Variants in CLEC4C observed in about 807,000 individuals in gnomAD.
The protein encoded by CLEC4C is C-type (calcium dependent, carbohydrate-recognition domain) lectin, superfamily member 11.
In CLEC4C, 17 loss-of-function variants were observed where a neutral mutation model predicts 27.7. The observed-to-expected ratio is 0.61, with a 90% CI of 0.42 to 0.92. CLEC4C has a LOEUF of 0.92. Ranked by LOEUF, CLEC4C falls within the 40% of genes least tolerant of loss-of-function variation. The pLI is 0.00. For missense variants in CLEC4C, 244 were observed against 257.3 expected (o/e 0.95, Z 0.35); for synonymous variants, 80 against 80.8 (o/e 0.99, Z 0.06).
chr12:7,742,237 G>C (rs1864872249), intron 2 of CLEC4C, among the ~76,000 whole-genome samples: 1 of 151,968 alleles, frequency 6.6e-6, no homozygotes, highest in East Asian at 1.9e-4. Context: ...TTACGGCTGG[G>C]CATGGTGGCT....
At chr12:7,733,176 G>T (rs915422143) in intron 4 of CLEC4C, among the ~76,000 whole-genome samples, 4 of 151,712 alleles carry the variant, frequency 2.6e-5, no homozygotes, top group African/African-American at 9.7e-5. Context: ...AAATAACAGA[G>T]ATCTAACTCT....
At chr12:7,734,771 C>T (rs1193174993) in intron 4 of CLEC4C, among the ~76,000 whole-genome samples, 1 of 151,328 alleles carries the variant, frequency 6.6e-6, no homozygotes, top group African/African-American at 2.4e-5. Flanking sequence ...TGGTCTCAAA[C>T]TCCTGACCTG....
In CLEC4C at chr12:7,734,022, A is replaced by T. The variant is rs181500989; in HGVS notation, c.382-3110T>A. 9.7e-4 allele frequency among the ~76,000 whole-genome samples: 148 copies of T among 152,284 alleles called. 1 individual carries two copies. Among genetic ancestry groups the T allele is most frequent in the Admixed American group, 2.6e-4 (4 of 15,286 alleles). ...ATTCTTCTGCCTCAGCCACCCAAGT[A>T]TCCGGGACTACAGGCATGAAACACG... On this transcript the variant is annotated intron_variant, in intron 4 of 5. Coordinates refer to ENST00000360345, the MANE Select transcript of CLEC4C (RefSeq NM_001371390.1).
chr12:7,745,528 G>T (rs1864956429), intron 2 of CLEC4C, among the ~76,000 whole-genome samples: 1 of 140,740 alleles, frequency 7.1e-6, no homozygotes, highest in Admixed American at 8.1e-5. Context: ...TGCCTCCTGG[G>T]TTCAACTGAG....
At chr12:7,742,718 G>A (rs1864883822) in intron 2 of CLEC4C, among the ~76,000 whole-genome samples, 1 of 151,944 alleles carries the variant, frequency 6.6e-6, no homozygotes, top group African/African-American at 2.4e-5. Flanking sequence ...GCTGAGGCAG[G>A]AGAATCACTT....
chr12:7,745,211 G>T (rs891604723), intron 2 of CLEC4C, among the ~76,000 whole-genome samples: 13 of 151,826 alleles, frequency 8.6e-5, no homozygotes, highest in Non-Finnish European at 1.9e-4. Flanking sequence ...TTATGAGGGG[G>T]GGCTCTCATG....
chr12:7,737,437 C>T lies in CLEC4C; in HGVS notation c.373G>A (p.Glu125Lys). 1.9e-6 allele frequency: 3 copies of T among 1,611,516 alleles called. No individual in the cohort carries two copies. The highest frequency in any genetic ancestry group is 2.5e-6 in the Non-Finnish European group (3 of 1,178,822). ...GADLVVINTR[E>K]EQDFIIQNLK... is the part of the protein sequence containing the mutation. ...TGCCTGTTAGAACATACCTGTTCTT[C>T]CCTGGTGTTGATCACCACCAGATCA... The change falls in exon 4 of 6, where the codon GAA becomes AAA. Residue 125 changes from glutamate to lysine, a missense_variant. Glu to Lys is a moderately conservative substitution (Grantham distance 56, BLOSUM62 1). Transcript: ENST00000360345.
Position 7,741,431 on chromosome 12 carries a change from C to T in CLEC4C, c.225G>A (p.Lys75=), listed in dbSNP as rs1391554846. 1 of 1,588,274 alleles carries T rather than the reference C, an allele frequency of 6.3e-7. No homozygotes were observed. Among genetic ancestry groups the T allele is most frequent in the East Asian group, 2.2e-5 (1 of 44,780 alleles). The change falls in exon 3 of 6, where the codon AAG becomes AAA. Residue 75 remains lysine, a synonymous_variant. Transcript: ENST00000360345. The part of the protein sequence containing the change: ...HPSLTCVMEG[K]DIEDWSCCPT... ...ATTGCAGAGTTGTACCTTCTATGTCCTTTCCTTCCATGACGCAGGTCAGGC... is the reference window on the plus strand; with the variant it reads ...ATTGCAGAGTTGTACCTTCTATGTCTTTTCCTTCCATGACGCAGGTCAGGC...
intron 4 of CLEC4C, among the ~76,000 whole-genome samples, chr12:7,733,875 G>C (rs748365145): frequency 4.0e-5 from 6 of 151,342 alleles, no homozygotes; most frequent in Admixed American, 1.3e-4. Context: ...ACACCCAGCC[G>C]TCATATATTT....
chr12:7,735,697 C>T (rs908714876), intron 4 of CLEC4C, among the ~76,000 whole-genome samples: 11 of 134,320 alleles, frequency 8.2e-5, no homozygotes, highest in Non-Finnish European at 1.3e-4. Flanking sequence ...CCCAGCTACT[C>T]GGGAGACAGA....
chr12:7,733,332 C>T (rs1864643557), intron 4 of CLEC4C, among the ~76,000 whole-genome samples: 1 of 149,748 alleles, frequency 6.7e-6, no homozygotes, highest in Non-Finnish European at 1.5e-5. Context: ...GGTGTGATCT[C>T]GGCTCAGGGC....
chr12:7,729,803 G>A, intron 5 of CLEC4C, 63 bp from the exon 6 acceptor site: 1 of 1,498,108 alleles, frequency 6.7e-7, no homozygotes, highest in East Asian at 2.3e-5. Flanking sequence ...TTAGAGACTG[G>A]GAGAGGGCTA....
At position 7,747,375 on chromosome 12, in the gene CLEC4C, C is replaced by T. The variant is rs761888856; in HGVS notation, c.-27G>A. The T allele has an allele frequency of 1.9e-6, 3 of 1,613,188 alleles. No homozygotes were observed. Among genetic ancestry groups the T allele is most frequent in the African/African-American group, 1.3e-5 (1 of 74,828 alleles). On this transcript the variant is annotated 5_prime_UTR_variant, in exon 1 of 6. Transcript: ENST00000360345. Reference sequence around the variant, plus strand: ...GTGTGTGCGCACACCCTTTGGACTTCCTCTATCAGGTGGGTGCAGAAGCTC... The same window carrying T: ...GTGTGTGCGCACACCCTTTGGACTTTCTCTATCAGGTGGGTGCAGAAGCTC...
intron 4 of CLEC4C, among the ~76,000 whole-genome samples, chr12:7,735,298 T>A (rs774065564): frequency 8.5e-4 from 128 of 150,484 alleles, no homozygotes; most frequent in African/African-American, 3.0e-3. Context: ...AGGTCAGGAG[T>A]TCGAGACTAG....
intron 4 of CLEC4C, among the ~76,000 whole-genome samples, chr12:7,734,986 A>G (rs1037630113): frequency 6.6e-6 from 1 of 151,794 alleles, no homozygotes; most frequent in Non-Finnish European, 1.5e-5. Context: ...TGATCACTTG[A>G]GGCCAGGAGT....
intron 2 of CLEC4C, 50 bp downstream of exon 2, chr12:7,746,281 G>C: frequency 1.0e-6 from 1 of 975,766 alleles, no homozygotes; most frequent in South Asian, 1.4e-5. Flanking sequence ...TTGATAAAAT[G>C]TGATTGGGAA....
Position 7,747,355 on chromosome 12 carries a change from T to C in CLEC4C, c.-7A>G, listed in dbSNP as rs760919209. The stretch of plus-strand genomic sequence containing the variant: ...GCTCTTCTTCAGGCACCATTGTGTG[T>C]GCGCACACCCTTTGGACTTCCTCTA... On this transcript the variant is annotated 5_prime_UTR_variant, in exon 1 of 6. Transcript: ENST00000360345. The C allele has an allele frequency of 9.3e-6, 15 of 1,613,888 alleles. No homozygotes were observed. The Admixed American group carries it at 1.3e-4, about 14-fold the overall frequency.
chr12:7,747,176 C>A (rs1188064876), intron 1 of CLEC4C, 142 bp downstream of exon 1: 4 of 805,892 alleles, frequency 5.0e-6, no homozygotes, highest in Non-Finnish European at 6.5e-6. Context: ...TGGGTCCATA[C>A]CTGTTTCCAT....
At chr12:7,729,870 G>T in intron 5 of CLEC4C, 130 bp from the exon 6 acceptor site, 1 of 757,772 alleles carries the variant, frequency 1.3e-6, no homozygotes, top group Non-Finnish European at 2.2e-6. Flanking sequence ...TCTCACTTCT[G>T]CTGCCACGTT....
Sources: allele counts gnomAD v4.1 joint callset (sites outside exome capture counted in the v4.1 genomes callset), GRCh38; gene constraint gnomAD v4.1.1; transcripts MANE v1.5; gene names NCBI Gene and HGNC (gene_info 2026-07-23, HGNC 2026-07-21).